The following TRPM4 variants were observed in gnomAD, a reference collection of about 807,000 sequenced individuals.
The protein encoded by TRPM4 is calcium-activated non-selective cation channel 1.
In TRPM4, 124 loss-of-function variants were observed where a neutral mutation model predicts 135.6. The ratio of observed to expected loss-of-function variants is 0.91; its 90% confidence interval spans 0.79 to 1.06. TRPM4 has a LOEUF of 1.06. Among genes scored for constraint, TRPM4 ranks in the 50% least tolerant of loss-of-function variants. TRPM4 has a pLI of 0.00. For missense variants in TRPM4, 1,658 were observed against 1,671.4 expected, an observed-to-expected ratio of 0.99 and a Z score of 0.14; for synonymous variants, 745 against 705.6, an observed-to-expected ratio of 1.06 and a Z score of -0.88.
chr19:49,189,022 G>A lies in TRPM4; in HGVS notation c.1950G>A (p.Gly650=), dbSNP rs746125543. The change falls in exon 14 of 25, where the codon GGG becomes GGA. Residue 650 remains glycine (G), a synonymous_variant. Coordinates refer to ENST00000252826, the MANE Select transcript of TRPM4 (RefSeq NM_017636.4). ...TCCTCCGTCGCTGCCCGCTCTGGGG[G>A]GATGCCACTTGCCTCCAGCTGGCCA... ...RLLLRRCPLW[G]DATCLQLAMQ... is the part of the protein sequence containing the mutation. 3.7e-6 allele frequency: 6 copies of A among 1,614,048 alleles called. No individual in the cohort carries two copies. Among genetic ancestry groups the A allele is most frequent in the African/African-American group, 2.7e-5 (2 of 74,918 alleles).
chr19:49,170,052 G>T (rs1244740594), intron 6 of TRPM4, among the ~76,000 whole-genome samples: 1 of 151,894 alleles, frequency 6.6e-6, no homozygotes, highest in Non-Finnish European at 1.5e-5. Flanking sequence ...AGGTACTTTT[G>T]TCCCTTCCAG....
rs183248056 is a variant in TRPM4, at chr19:49,192,047, C to G, written c.2210+1274C>G. Reference sequence around the variant, plus strand: ...TTTTTCACCTATTTTGTTCGTGGTCCCAAGGCCCCTGCTTTTAATCACTAT... The same window carrying G: ...TTTTTCACCTATTTTGTTCGTGGTCGCAAGGCCCCTGCTTTTAATCACTAT... On this transcript the variant is annotated intron_variant, in intron 16 of 24. Transcript: ENST00000252826. Among the ~76,000 whole-genome samples, 1,508 of 152,280 alleles carry G rather than the reference C, an allele frequency of 9.9e-3. 24 individuals are homozygous for G. The highest frequency in any genetic ancestry group is 0.034 in the African/African-American group (1,401 of 41,552).
At chr19:49,176,916 C>T (rs778025755) in intron 9 of TRPM4, among the ~76,000 whole-genome samples, 1 of 152,062 alleles carries the variant, frequency 6.6e-6, no homozygotes, top group South Asian at 2.1e-4. Flanking sequence ...CTTGAGGAAG[C>T]AGCTTCCCCT....
In TRPM4 at chr19:49,196,022, C is replaced by T. The variant is rs577539648; in HGVS notation, c.2211-418C>T. 2.6e-5 allele frequency among the ~76,000 whole-genome samples: 4 copies of T among 151,756 alleles called. No homozygotes were observed. The South Asian group carries it at 8.4e-4, about 32-fold the overall frequency. On this transcript the variant is annotated intron_variant, in intron 16 of 24. Coordinates refer to ENST00000252826, the MANE Select transcript of TRPM4 (RefSeq NM_017636.4). ...TACTGGCATGCGCCACCAGACCCGG[C>T]TAATTTTTGTATTTTTAGTAGAGAC...
At chr19:49,194,142 T>A (rs1367967177) in intron 16 of TRPM4, among the ~76,000 whole-genome samples, 2 of 93,268 alleles carry the variant, frequency 2.1e-5, no homozygotes, top group East Asian at 7.1e-4. Context: ...CCTTCTCCTC[T>A]TCCTCCTCTT....
At chr19:49,193,525 T>C (rs1968493237) in intron 16 of TRPM4, among the ~76,000 whole-genome samples, 6 of 152,112 alleles carry the variant, frequency 3.9e-5, no homozygotes, top group Admixed American at 3.9e-4. Flanking sequence ...TGATCCCAGA[T>C]CCTCTTGTAC....
At position 49,210,248 on chromosome 19, in the gene TRPM4, C is replaced by T. The variant is rs370293291; in HGVS notation, c.3171C>T (p.Tyr1057=). Residue 1057 remains tyrosine (Y), a synonymous_variant, in exon 21 of 25, where the codon TAC becomes TAT. Coordinates refer to ENST00000252826, the MANE Select transcript of TRPM4 (RefSeq NM_017636.4). The surrounding 1 kb of genome is among the most constrained non-coding windows in gnomAD (Gnocchi z 4.1). ...AAGTACAGGGCAACAGCGATCTCTA[C>T]TGGAAGGCGCAGCGTTACCGCCTCA... ...FGKVQGNSDL[Y]WKAQRYRLIR... 9 of 1,614,142 alleles carry T rather than the reference C, an allele frequency of 5.6e-6. No homozygotes were observed. The African/African-American group carries it at 1.2e-4, about 22-fold the overall frequency.
At chr19:49,184,309 A>C (rs1968113453) in intron 12 of TRPM4, among the ~76,000 whole-genome samples, 1 of 151,500 alleles carries the variant, frequency 6.6e-6, no homozygotes, top group Non-Finnish European at 1.5e-5. Flanking sequence ...GGATAATCTC[A>C]ATGTACTTAG....
Position 49,171,528 on chromosome 19 carries a change from A to C in TRPM4, c.859-50A>C, listed in dbSNP as rs1277193968. ...GGGGGTCTGACTCCGGGTAGGGTGA[A>C]TATCCTGCCTTTTCTGACGTGATGA... On this transcript the variant is annotated intron_variant, in intron 7 of 24. Transcript: ENST00000252826. The surrounding 1 kb of genome is among the most constrained non-coding windows in gnomAD (Gnocchi z 4.7). The C allele has an allele frequency of 1.2e-6, 2 of 1,612,460 alleles. No homozygotes were observed. Among genetic ancestry groups the C allele is most frequent in the African/African-American group, 2.7e-5 (2 of 74,698 alleles).
chr19:49,196,481 G>C lies in TRPM4; in HGVS notation c.2252G>C (p.Arg751Pro). The C allele has an allele frequency of 6.4e-7, 1 of 1,554,302 alleles. No homozygotes were observed. Among genetic ancestry groups the C allele is most frequent in the Non-Finnish European group, 8.7e-7 (1 of 1,153,232 alleles). Residue 751 changes from arginine to proline, a missense_variant, in exon 17 of 25, where the codon CGC (arginine) becomes CCC (proline). Arg to Pro is a moderately radical substitution (Grantham distance 103). Coordinates refer to ENST00000252826, the MANE Select transcript of TRPM4 (RefSeq NM_017636.4). Reference sequence around the variant, plus strand: ...GAGAAGACGCCGCTGGGGGTCCCGCGCCAGTCGGGCCGTCCGGGTTGCTGC... The same window carrying C: ...GAGAAGACGCCGCTGGGGGTCCCGCCCCAGTCGGGCCGTCCGGGTTGCTGC... ...PAEKTPLGVP[R>P]QSGRPGCCGG...
intron 2 of TRPM4, chr19:49,158,489 G>T (rs967799660): frequency 9.5e-5 from 54 of 567,442 alleles, no homozygotes; most frequent in Non-Finnish European, 1.4e-4. Context: ...TCCAGGGCTC[G>T]GTTCTGCTTC....
rs201977777 is a variant in TRPM4 at position 49,202,158 on chromosome 19, C to T, written c.3131+17C>T. ...CATGTTCAGGTGAGGCCTGACTGCT[C>T]TCTGATCTGACCCCACCCAGCATGA... On this transcript the variant is annotated intron_variant, in intron 20 of 24. Coordinates refer to ENST00000252826, the MANE Select transcript of TRPM4 (RefSeq NM_017636.4). 2,840 of 1,613,676 alleles carry T rather than the reference C, an allele frequency of 1.8e-3. 85 individuals are homozygous for T. The South Asian group carries it at 0.029, about 17-fold the overall frequency.
rs1208684318 is a variant in TRPM4, at chr19:49,182,804, A to AGCTCCGGCCCTCC, written c.1500_1501insTCCGCTCCGGCCC (p.Pro501SerfsTer6). 1 of 1,577,532 alleles carries AGCTCCGGCCCTCC rather than the reference A, an allele frequency of 6.3e-7. No individual in the cohort carries two copies. ...CCAGCCCTAAAAGGGGGAGCTGCGGAGCTCCGGCCCCCTGACGTGGGGCAT... is the reference window on the plus strand; with the variant it reads ...CCAGCCCTAAAAGGGGGAGCTGCGGAGCTCCGGCCCTCCGCTCCGGCCCCCTGACGTGGGGCAT... On this transcript the variant is annotated frameshift_variant, in exon 11 of 25. Coordinates refer to ENST00000252826, the MANE Select transcript of TRPM4 (RefSeq NM_017636.4). LOFTEE classifies it high-confidence loss of function.
rs113984787 is a variant in TRPM4 at position 49,167,950 on chromosome 19, G to A, written c.301G>A (p.Ala101Thr). 2.1e-3 allele frequency: 3,299 copies of A among 1,566,778 alleles called. 51 individuals are homozygous for A. The highest frequency in any genetic ancestry group is 4.7e-3 in the South Asian group (401 of 85,780). ...LRLSDRTDPA[A>T]VYSLVTRTWG... ...GCTCTCTGACCGAACGGATCCAGCT[G>A]CAGTTTATAGTCTGGTCACACGCAC... The change falls in exon 4 of 25, where the codon GCA becomes ACA. Residue 101 changes from alanine (A) to threonine (T), a missense_variant. By Grantham distance (58) the Ala-to-Thr change is moderately conservative. Transcript: ENST00000252826.
At chr19:49,184,578 CACGCCATTCTCCTGCCTCA>C (rs1282599984) in intron 12 of TRPM4, among the ~76,000 whole-genome samples, 1 of 150,718 alleles carries the variant, frequency 6.6e-6, no homozygotes, top group African/African-American at 2.4e-5. Context: ...CTCCTGCCTC[CACGCCATTCTCCTGCCTCA>C]GCCTCCCAAG....
chr19:49,175,326 C>T (rs1466051775), intron 9 of TRPM4, among the ~76,000 whole-genome samples: 1 of 152,082 alleles, frequency 6.6e-6, no homozygotes, highest in South Asian at 2.1e-4. Context: ...CCGCCCGCCT[C>T]GGCCTCCCAA....
chr19:49,167,793 CCT>C, intron 3 of TRPM4, 122 bp from the exon 4 acceptor site: 1 of 778,824 alleles, frequency 1.3e-6, no homozygotes, highest in Non-Finnish European at 2.2e-6. Context: ...GGTCTCTGTC[CCT>C]CTCTCTCTGG....
chr19:49,175,285 G>C (rs1967641304), intron 9 of TRPM4, among the ~76,000 whole-genome samples: 1 of 152,002 alleles, frequency 6.6e-6, no homozygotes. Context: ...ATATTGGTCA[G>C]GCTGGTCTCG....
At chr19:49,165,711 T>A (rs921779297) in intron 2 of TRPM4, among the ~76,000 whole-genome samples, 2 of 152,120 alleles carry the variant, frequency 1.3e-5, no homozygotes, top group Non-Finnish European at 2.9e-5. Flanking sequence ...GAACGTCATG[T>A]GTTTGGATGG....
Sources: allele counts gnomAD v4.1 joint callset (sites outside exome capture counted in the v4.1 genomes callset), GRCh38; gene constraint gnomAD v4.1.1; non-coding constraint Gnocchi (gnomAD v3.1); transcripts MANE v1.5; gene names NCBI Gene and HGNC (gene_info 2026-07-23, HGNC 2026-07-21).